Variants in SEMA6A observed in about 807,000 individuals in gnomAD.
SEMA6A encodes semaphorin-6A.
A neutral mutation model predicts 96.8 loss-of-function variants in SEMA6A; 25 were observed. That is an observed-to-expected ratio of 0.26 (90% CI 0.19 to 0.36). The LOEUF is 0.36. Ranked by LOEUF, SEMA6A falls within the 10% of genes least tolerant of loss-of-function variation. The pLI is 1.00. For synonymous variants in SEMA6A, 612 were observed against 518.0 expected, an observed-to-expected ratio of 1.18 and a Z score of -2.46; for missense variants, 1,363 against 1,323.1, an observed-to-expected ratio of 1.03 and a Z score of -0.47.
intron 2 of SEMA6A, 62 bp from the exon 3 acceptor site, chr5:116,502,389 A>G (rs1461469371): frequency 3.4e-5 from 46 of 1,363,800 alleles, no homozygotes; most frequent in Non-Finnish European, 3.8e-5. Flanking sequence ...TTGACAGGGT[A>G]GGGAGGGGAG....
intron 11 of SEMA6A, among the ~76,000 whole-genome samples, chr5:116,480,761 A>G (rs1195393646): frequency 1.3e-5 from 2 of 152,264 alleles, no homozygotes; most frequent in African/African-American, 4.8e-5. Flanking sequence ...ATCATGTTTC[A>G]TTACCTGGGG....
At chr5:116,476,052 C>G (rs1756433053) in intron 15 of SEMA6A, among the ~76,000 whole-genome samples, 1 of 152,106 alleles carries the variant, frequency 6.6e-6, no homozygotes, top group Admixed American at 6.5e-5. Flanking sequence ...ATTTATCTAG[C>G]CAAAAACTTG....
Position 116,447,718 on chromosome 5 carries a change from G to A in SEMA6A, c.1988C>T (p.Ala663Val), listed in dbSNP as rs369197351. The stretch of plus-strand genomic sequence containing the variant: ...GTAGACGGTGATGCCCGAGAAGACG[G>A]CCCCCATGACGAAAGCCAGGATGAC... ...IAVILAFVMG[A>V]VFSGITVYCV... Residue 663 changes from alanine (A) to valine (V), a missense_variant, in exon 19 of 19, where the codon GCC (alanine) becomes GTC (valine). Ala to Val is a moderately conservative substitution (Grantham distance 64). Transcript: ENST00000343348. The A allele has an allele frequency of 6.8e-6, 11 of 1,613,846 alleles. No individual in the cohort carries two copies. In the Middle Eastern group the frequency reaches 8.2e-4, roughly 121 times the overall value.
Position 116,447,398 on chromosome 5 carries a change from G to A in SEMA6A, c.2308C>T (p.Pro770Ser). ...STPTLQQKRK[P>S]SRGSREWERN... Reference sequence around the variant, plus strand: ...TCCCACTCGCGGCTGCCGCGGCTGGGCTTCCGCTTCTGCTGCAGCGTTGGG... The same window carrying A: ...TCCCACTCGCGGCTGCCGCGGCTGGACTTCCGCTTCTGCTGCAGCGTTGGG... The change falls in exon 19 of 19, where the codon CCC (proline) becomes TCC (serine). Residue 770 changes from proline to serine, a missense_variant. By Grantham distance (74) the Pro-to-Ser change is moderately conservative (BLOSUM62 -1). Around this residue, in one of 2 missense-constraint regions of SEMA6A, gnomAD observed 883 missense variants for 763.6 expected, o/e 1.16. Coordinates refer to ENST00000343348, the MANE Select transcript of SEMA6A (RefSeq NM_020796.5). The A allele has an allele frequency of 6.2e-7, 1 of 1,614,044 alleles. No individual in the cohort carries two copies. Among genetic ancestry groups the A allele is most frequent in the Non-Finnish European group, 8.5e-7 (1 of 1,179,898 alleles).
chr5:116,511,792 T>G (rs1260312171), intron 1 of SEMA6A, among the ~76,000 whole-genome samples: 1 of 152,224 alleles, frequency 6.6e-6, no homozygotes, highest in Non-Finnish European at 1.5e-5. Context: ...ACCACTGTGT[T>G]AAGTGGAGCC....
intron 1 of SEMA6A, among the ~76,000 whole-genome samples, chr5:116,528,677 G>A (rs1212579319): frequency 6.6e-6 from 1 of 152,158 alleles, no homozygotes; most frequent in Non-Finnish European, 1.5e-5. Context: ...AGCAGCAGTT[G>A]CCTAAGTTGT....
intron 1 of SEMA6A, among the ~76,000 whole-genome samples, chr5:116,529,425 T>G (rs2112835749): frequency 6.6e-6 from 1 of 152,278 alleles, no homozygotes; most frequent in South Asian, 2.1e-4. Flanking sequence ...AAAAACACAG[T>G]AAATGTTTGA....
At position 116,495,428 on chromosome 5, in the gene SEMA6A, G is replaced by C; in HGVS notation, c.429C>G (p.Ser143=). 6.2e-7 allele frequency: 1 copy of C among 1,609,290 alleles called. No homozygotes were observed. Among genetic ancestry groups the C allele is most frequent in the Non-Finnish European group, 8.5e-7 (1 of 1,177,512 alleles). ...FVCGTNAFNP[S]CRNYKMDTLE... is the part of the protein sequence containing the mutation. ...TAGCATTTACCTTATAGTTTCTGCA[G>C]GAAGGGTTGAAGGCATTAGTTCCAC... Residue 143 remains serine (S), a synonymous_variant, in exon 6 of 19, where the codon TCC becomes TCG. Coordinates refer to ENST00000343348, the MANE Select transcript of SEMA6A (RefSeq NM_020796.5).
At chr5:116,496,131 G>C in intron 5 of SEMA6A, 120 bp downstream of exon 5, 1 of 827,794 alleles carries the variant, frequency 1.2e-6, no homozygotes, top group South Asian at 1.6e-5. Flanking sequence ...GATGAAAAAA[G>C]CAATTACTGA....
rs1331510174 is a variant in SEMA6A, at chr5:116,446,861, T to C, written c.2845A>G (p.Arg949Gly). The C allele has an allele frequency of 6.2e-7, 1 of 1,613,828 alleles. No homozygotes were observed. Among genetic ancestry groups the C allele is most frequent in the East Asian group, 2.2e-5 (1 of 44,872 alleles). ...TCTCCCCTGCCAAAGCTCTGGTTTC[T>C]GGAGAGGTGAGAGGAATTGGAGGAG... The part of the protein sequence containing the change: ...TNSSNSSHLS[R>G]NQSFGRGDNP... Residue 949 changes from arginine to glycine, a missense_variant, in exon 19 of 19, where the codon AGA (arginine) becomes GGA (glycine). Arg to Gly is a moderately radical substitution (Grantham distance 125). Around this residue, in one of 2 missense-constraint regions of SEMA6A, gnomAD observed 883 missense variants for 763.6 expected, o/e 1.16. Transcript: ENST00000343348.
chr5:116,483,774 C>T (rs1353026762), intron 10 of SEMA6A, among the ~76,000 whole-genome samples: 1 of 152,074 alleles, frequency 6.6e-6, no homozygotes. Context: ...GTGTATAAGA[C>T]AGTGATAGGC....
intron 18 of SEMA6A, among the ~76,000 whole-genome samples, chr5:116,455,044 C>T (rs950550965): frequency 6.6e-6 from 1 of 152,134 alleles, no homozygotes; most frequent in Non-Finnish European, 1.5e-5. Context: ...ACTTCCACTT[C>T]GATCACCTTT....
At chr5:116,547,907 A>AG (rs1760252537) in intron 1 of SEMA6A, among the ~76,000 whole-genome samples, 1 of 152,186 alleles carries the variant, frequency 6.6e-6, no homozygotes, top group African/African-American at 2.4e-5. Flanking sequence ...AAGTGCTTTT[A>AG]GGGGCTACAA....
chr5:116,493,950 C>A (rs114128067), intron 6 of SEMA6A, among the ~76,000 whole-genome samples: 1 of 152,046 alleles, frequency 6.6e-6, no homozygotes, highest in South Asian at 2.1e-4. Flanking sequence ...CTTCACACTC[C>A]CCCAACCCCC....
chr5:116,573,948 G>A (rs1037348223), intron 1 of SEMA6A, among the ~76,000 whole-genome samples: 52 of 152,102 alleles, frequency 3.4e-4, no homozygotes, highest in Non-Finnish European at 6.8e-4. Context: ...CAACGCGGGT[G>A]GGAAAGCTCT....
chr5:116,570,869 G>A (rs552241581), intron 1 of SEMA6A, among the ~76,000 whole-genome samples: 1 of 152,144 alleles, frequency 6.6e-6, no homozygotes, highest in South Asian at 2.1e-4. Flanking sequence ...TCTTAATTTG[G>A]ATGCCTCATT....
intron 16 of SEMA6A, among the ~76,000 whole-genome samples, chr5:116,473,461 CACTTATTCTTT>C (rs1756276769): frequency 6.6e-6 from 1 of 152,182 alleles, no homozygotes; most frequent in African/African-American, 2.4e-5. Context: ...ACAAAGAAAA[CACTTATTCTTT>C]ACATTCTCTT....
intron 1 of SEMA6A, among the ~76,000 whole-genome samples, chr5:116,560,133 C>G (rs79062498): frequency 0.016 from 2,507 of 152,288 alleles, 33 homozygotes; most frequent in Middle Eastern, 0.031. Context: ...TCCTCCTCCC[C>G]CTTGCCTCCC....
chr5:116,570,700 T>C (rs1477726504), intron 1 of SEMA6A, among the ~76,000 whole-genome samples: 1 of 152,228 alleles, frequency 6.6e-6, no homozygotes, highest in East Asian at 1.9e-4. Flanking sequence ...CATCACTCTT[T>C]TGTCCTGTTC....
Sources: gnomAD v4.1 joint callset for allele counts (sites outside exome capture counted in the v4.1 genomes callset) on GRCh38, gnomAD v4.1.1 for gene constraint, gnomAD v4.1.1 regional missense constraint, MANE v1.5 for transcripts, NCBI Gene and HGNC (gene_info 2026-07-23, HGNC 2026-07-21) for gene names.